Variants in STK4 observed in about 807,000 individuals in gnomAD.
The protein encoded by STK4 is serine/threonine kinase 4.
Under a neutral mutation model 64.9 loss-of-function variants are expected in STK4, and 30 were observed. The ratio of observed to expected loss-of-function variants is 0.46; its 90% CI spans 0.35 to 0.63. STK4 has a LOEUF of 0.63. STK4 is among the 20% of genes least tolerant of loss of function. STK4 has a pLI of 0.01. For synonymous variants in STK4, 177 were observed against 199.0 expected, an observed-to-expected ratio of 0.89 and a Z score of 0.93; for missense variants, 466 against 598.5, an observed-to-expected ratio of 0.78 and a Z score of 2.31.
Position 45,000,414 on chromosome 20 carries a change from A to G in STK4, c.854A>G (p.Lys285Arg). 1 of 1,613,972 alleles carries G rather than the reference A, an allele frequency of 6.2e-7. No individual in the cohort carries two copies. The highest frequency in any genetic ancestry group is 8.5e-7 in the Non-Finnish European group (1 of 1,179,922). The change falls in exon 8 of 11, where the codon AAA becomes AGA. Residue 285 changes from lysine to arginine, a missense_variant. Transcript: ENST00000372806. Reference protein sequence around the residue: ...LLQHPFVRSAKGVSILRDLIN... With the variant: ...LLQHPFVRSARGVSILRDLIN... Reference sequence around the variant, plus strand: ...TAGCACCCATTTGTCAGGAGTGCCAAAGGAGTGTCAATACTGCGAGACTTA... The same window carrying G: ...TAGCACCCATTTGTCAGGAGTGCCAGAGGAGTGTCAATACTGCGAGACTTA...
At chr20:44,976,975 C>T (rs1452585744) in intron 2 of STK4, among the ~76,000 whole-genome samples, 2 of 152,166 alleles carry the variant, frequency 1.3e-5, no homozygotes, top group East Asian at 1.9e-4. Context: ...AACCTTTCAG[C>T]AGAATTATCT....
Position 44,997,158 on chromosome 20 carries a change from G to GTTTT in STK4, c.694-9_694-8insTTTT, listed in dbSNP as rs1309229267. ...ACCAGATCTTTTTGTTTGTTTGTTT[G>GTTTT]TTCTAACCAGGCAATCTTCATGATT... On this transcript the variant is annotated splice_polypyrimidine_tract_variant and intron_variant, in intron 6 of 10. Coordinates refer to ENST00000372806, the MANE Select transcript of STK4 (RefSeq NM_006282.5). 6.2e-7 allele frequency: 1 copy of GTTTT among 1,612,998 alleles called. No individual in the cohort carries two copies. Among genetic ancestry groups the GTTTT allele is most frequent in the African/African-American group, 1.3e-5 (1 of 74,814 alleles).
intron 1 of STK4, among the ~76,000 whole-genome samples, chr20:44,970,881 G>T (rs2067232063): frequency 6.9e-6 from 1 of 143,976 alleles, no homozygotes; most frequent in South Asian, 2.2e-4. Context: ...ATTTAGGAAG[G>T]TACACATTTG....
rs200616256 is a variant in STK4 at position 44,972,201 on chromosome 20, T to C, written c.116+43T>C. On this transcript the variant is annotated intron_variant, in intron 2 of 10. Coordinates refer to ENST00000372806, the MANE Select transcript of STK4 (RefSeq NM_006282.5). Reference sequence around the variant, plus strand: ...ATAGGTAGGTCATTGGGTCCCAGTCTTTTTCCTGCCCCAGAAGAAGCAGAA... The same window carrying C: ...ATAGGTAGGTCATTGGGTCCCAGTCCTTTTCCTGCCCCAGAAGAAGCAGAA... 7,094 of 1,538,648 alleles carry C rather than the reference T, an allele frequency of 4.6e-3. 27 individuals are homozygous for C. The highest frequency in any genetic ancestry group is 5.8e-3 in the Non-Finnish European group (6,447 of 1,118,852).
intron 9 of STK4, among the ~76,000 whole-genome samples, chr20:45,005,743 T>C (rs1404431704): frequency 1.3e-5 from 2 of 152,094 alleles, no homozygotes. Context: ...ATATGTTTGC[T>C]TACCTTTGCT....
chr20:44,988,896 T>G (rs1371312678), intron 5 of STK4, among the ~76,000 whole-genome samples: 1 of 152,132 alleles, frequency 6.6e-6, no homozygotes, highest in Non-Finnish European at 1.5e-5. Context: ...AATGTGCCCT[T>G]TTGTTTCTGG....
chr20:45,048,236 A>G (rs1259394773), intron 10 of STK4, among the ~76,000 whole-genome samples: 2 of 152,206 alleles, frequency 1.3e-5, no homozygotes, highest in Non-Finnish European at 2.9e-5. Flanking sequence ...CACCCAACCT[A>G]AAATGAAGAT....
intron 10 of STK4, among the ~76,000 whole-genome samples, chr20:45,052,093 A>G (rs2068785279): frequency 6.6e-6 from 1 of 152,238 alleles, no homozygotes; most frequent in Admixed American, 6.5e-5. Context: ...AATGGTCCTT[A>G]CTGCTGGCCT....
Position 44,997,191 on chromosome 20 carries a change from A to C in STK4, c.716A>C (p.Asn239Thr), listed in dbSNP as rs758578817. Residue 239 changes from asparagine to threonine, a missense_variant, in exon 7 of 11, where the codon AAT (asparagine) becomes ACT (threonine). Physicochemically the swap from Asn to Thr is moderately conservative, Grantham distance 65. Transcript: ENST00000372806. ...CAGGCAATCTTCATGATTCCTACAAATCCTCCTCCCACATTCCGAAAACCA... is the reference window on the plus strand; with the variant it reads ...CAGGCAATCTTCATGATTCCTACAACTCCTCCTCCCACATTCCGAAAACCA... ...PMRAIFMIPT[N>T]PPPTFRKPEL... The C allele has an allele frequency of 6.2e-7, 1 of 1,613,860 alleles. No homozygotes were observed. The highest frequency in any genetic ancestry group is 1.1e-5 in the South Asian group (1 of 91,088).
chr20:44,988,125 A>G (rs138151214), intron 5 of STK4, among the ~76,000 whole-genome samples: 12 of 152,262 alleles, frequency 7.9e-5, no homozygotes, highest in African/African-American at 2.9e-4. Flanking sequence ...TTTTGTTGTT[A>G]ACACAAAAGT....
In STK4 at chr20:45,078,948, A is replaced by G. The variant is rs1310050765; in HGVS notation, c.*3772A>G. 1.3e-5 allele frequency: 2 copies of G among 152,184 alleles called. No homozygotes were observed. Among genetic ancestry groups the G allele is most frequent in the Non-Finnish European group, 2.9e-5 (2 of 68,034 alleles). 9.4% of individuals were successfully genotyped at this position (152,184 alleles called of 1,614,324 possible). On this transcript the variant is annotated 3_prime_UTR_variant, in exon 11 of 11. Transcript: ENST00000372806. The stretch of plus-strand genomic sequence containing the variant: ...TGCTAATAAATTTAACAACTTCAAC[A>G]TCATAAACAAATTCCTTGAAAAATA...
At chr20:44,969,380 GACTAC>G (rs2067206371) in intron 1 of STK4, among the ~76,000 whole-genome samples, 1 of 152,202 alleles carries the variant, frequency 6.6e-6, no homozygotes, top group African/African-American at 2.4e-5. Flanking sequence ...ACCTGTAAGT[GACTAC>G]TTCATAGACA....
chr20:44,972,916 A>C (rs1465268187), intron 2 of STK4: 1 of 151,800 alleles, frequency 6.6e-6, no homozygotes, highest in South Asian at 2.1e-4. Flanking sequence ...AAAAAAAAAA[A>C]AAAACTGCCT....
chr20:45,069,654 C>T (rs1979887007), intron 10 of STK4, among the ~76,000 whole-genome samples: 1 of 152,224 alleles, frequency 6.6e-6, no homozygotes, highest in Admixed American at 6.5e-5. Context: ...TTATTCTACA[C>T]TGACTCTTCT....
rs375491694 is a variant in STK4 at position 45,028,466 on chromosome 20, A to G, written c.1305+3336A>G. ...CTCAGCCTTCTGAGTACCTAGGACT[A>G]CAGGTATGGATCACCACGCCTGGCT... On this transcript the variant is annotated intron_variant, in intron 10 of 10. Transcript: ENST00000372806. Among the ~76,000 whole-genome samples the G allele has an allele frequency of 2.0e-5, 3 of 152,086 alleles. No individual in the cohort carries two copies. The South Asian group carries it at 6.2e-4, about 32-fold the overall frequency.
At chr20:45,061,470 G>A (rs749057177) in intron 10 of STK4, among the ~76,000 whole-genome samples, 1 of 152,070 alleles carries the variant, frequency 6.6e-6, no homozygotes, top group African/African-American at 2.4e-5. Context: ...TCATTGCTCT[G>A]TTCAGCATAT....
At chr20:44,975,437 G>A (rs1436953123) in intron 2 of STK4, 1 of 922,338 alleles carries the variant, frequency 1.1e-6, no homozygotes, top group Non-Finnish European at 1.3e-6. Flanking sequence ...GGTCAAGATT[G>A]CTGAGTGAGT....
chr20:44,993,978 CAAA>C (rs775346644), intron 5 of STK4, among the ~76,000 whole-genome samples: 1 of 119,158 alleles, frequency 8.4e-6, no homozygotes, highest in Admixed American at 8.7e-5. Context: ...AACTCTTTCT[CAAA>C]AAAAAAAAAA....
intron 3 of STK4, among the ~76,000 whole-genome samples, chr20:44,981,542 G>C (rs1288480713): frequency 1.3e-5 from 2 of 152,182 alleles, no homozygotes; most frequent in African/African-American, 4.8e-5. Flanking sequence ...ATAGTGCTAT[G>C]ATGGTAACTG....
Sources: allele counts gnomAD v4.1 joint callset (sites outside exome capture counted in the v4.1 genomes callset), GRCh38; gene constraint gnomAD v4.1.1; transcripts MANE v1.5; gene names NCBI Gene and HGNC (gene_info 2026-07-23, HGNC 2026-07-21).